TMEM132D: variants seen among roughly 807,000 people sequenced by gnomAD.
TMEM132D encodes mature OL transmembrane protein.
In TMEM132D, 21 loss-of-function variants were observed where a neutral mutation model predicts 62.3. The ratio of observed to expected loss-of-function variants is 0.34; its 90% confidence interval spans 0.24 to 0.49. The LOEUF (loss-of-function observed/expected upper bound fraction) is 0.49, where lower values mean the gene tolerates loss of function less well. Among genes scored for constraint, TMEM132D ranks in the 20% least tolerant of loss-of-function variants. The probability of loss-of-function intolerance (pLI) is 0.99; values close to 1 mark genes in which losing one functional copy is unlikely to be tolerated. For missense variants in TMEM132D, 1,346 were observed against 1,402.8 expected (o/e 0.96, Z 0.65); for synonymous variants, 621 against 575.6 (o/e 1.08, Z -1.13).
At chr12:129,340,787 C>T (rs1869450272) in intron 3 of TMEM132D, among the ~76,000 whole-genome samples, 1 of 152,178 alleles carries the variant, frequency 6.6e-6, no homozygotes, top group Admixed American at 6.5e-5. Flanking sequence ...GACACATGCA[C>T]ACGTATGTTT....
At chr12:129,112,146 C>T (rs1875722652) in intron 5 of TMEM132D, among the ~76,000 whole-genome samples, 1 of 152,164 alleles carries the variant, frequency 6.6e-6, no homozygotes, top group Non-Finnish European at 1.5e-5. Context: ...CGTAAATCAG[C>T]CAGAGTTGCT....
intron 3 of TMEM132D, among the ~76,000 whole-genome samples, chr12:129,376,778 T>C (rs1225874324): frequency 1.3e-5 from 2 of 152,184 alleles, no homozygotes; most frequent in Non-Finnish European, 2.9e-5. Flanking sequence ...TCTTGCTGGG[T>C]GTGCAAACGT....
At chr12:129,707,207 T>C (rs1018903206) in intron 1 of TMEM132D, among the ~76,000 whole-genome samples, 17 of 147,874 alleles carry the variant, frequency 1.1e-4, no homozygotes, top group African/African-American at 3.9e-4. Flanking sequence ...ATATAATATA[T>C]AATAGTATAT....
intron 3 of TMEM132D, among the ~76,000 whole-genome samples, chr12:129,502,444 C>CA (rs11374998): frequency 0.014 from 2,203 of 152,266 alleles, 58 homozygotes; most frequent in African/African-American, 0.05. Context: ...CTGCACATGG[C>CA]AGAAGCCCAG....
chr12:129,356,404 G>A lies in TMEM132D; in HGVS notation c.1116-18587C>T, dbSNP rs1431502285. 1.9e-4 allele frequency among the ~76,000 whole-genome samples: 5 copies of A among 26,034 alleles called. 2 individuals are homozygous for A. Among genetic ancestry groups the A allele is most frequent in the East Asian group, 4.6e-4 (1 of 2,164 alleles). The allele number at this position is 26,034 out of a possible 152,430, so 17.1% of individuals were successfully genotyped here. A position where few individuals can be genotyped will look rare whatever the true frequency, so the allele number is the denominator to read the frequency against. ...GATCTCTTGACCTCGTGATCCGCCC[G>A]CCTCGGCCTCCCAAAGTGCTGGGAT... On this transcript the variant is annotated intron_variant, in intron 3 of 8. Transcript: ENST00000422113.
At chr12:129,786,539 C>T (rs958539720) in intron 1 of TMEM132D, among the ~76,000 whole-genome samples, 1 of 152,202 alleles carries the variant, frequency 6.6e-6, no homozygotes. Flanking sequence ...TCTTCCCACA[C>T]TCCAGGGGCA....
rs149505231 is a variant in TMEM132D at position 129,817,338 on chromosome 12, G to A, written c.79+85923C>T. 4.6e-5 allele frequency among the ~76,000 whole-genome samples: 7 copies of A among 152,316 alleles called. No homozygotes were observed. The East Asian group carries it at 1.4e-3, about 29-fold the overall frequency. On this transcript the variant is annotated intron_variant, in intron 1 of 8. Transcript: ENST00000422113. ...CATTTGACCAGGTCCACAGAGTTCT[G>A]CTAGTCAGCCTTCACCGTGAACACA...
At chr12:129,766,785 G>A (rs889249710) in intron 1 of TMEM132D, among the ~76,000 whole-genome samples, 5 of 152,070 alleles carry the variant, frequency 3.3e-5, no homozygotes, top group Admixed American at 1.3e-4. Flanking sequence ...CCTCTGTGTT[G>A]CCTTTGTGAG....
chr12:129,168,456 C>A (rs1877626012), intron 5 of TMEM132D, among the ~76,000 whole-genome samples: 1 of 152,114 alleles, frequency 6.6e-6, no homozygotes, highest in South Asian at 2.1e-4. Context: ...CCCTGTGGAC[C>A]CCTAATTTAC....
At chr12:129,541,434 A>G (rs6486483) in intron 2 of TMEM132D, among the ~76,000 whole-genome samples, 67,634 of 152,006 alleles carry the variant, frequency 0.44, 15,754 homozygotes, top group Non-Finnish European at 0.51. Context: ...CTCCATGCAG[A>G]CCAGGTTTTC....
Position 129,700,697 on chromosome 12 carries a change from C to A in TMEM132D, c.81G>T (p.Val27=). 1 of 1,604,690 alleles carries A rather than the reference C, an allele frequency of 6.2e-7. No homozygotes were observed. The highest frequency in any genetic ancestry group is 1.1e-5 in the South Asian group (1 of 90,250). The part of the protein sequence containing the change: ...LISLAALFSK[V]TEGRGILESI... ...TCTCAAGGATCCCTCGACCTTCCGT[C>A]ACTGTGGGGAGGGAATCGCAGTGCA... Residue 27 remains valine (V), a splice_region_variant and synonymous_variant, in exon 2 of 9, where the codon GTG becomes GTT. Coordinates refer to ENST00000422113, the MANE Select transcript of TMEM132D (RefSeq NM_133448.3).
At chr12:129,284,422 T>C (rs1002624134) in intron 4 of TMEM132D, among the ~76,000 whole-genome samples, 3 of 152,254 alleles carry the variant, frequency 2.0e-5, no homozygotes, top group African/African-American at 7.2e-5. Context: ...AAATAACTCT[T>C]TAATTTCTAG....
rs1330423175 is a variant in TMEM132D at position 129,371,170 on chromosome 12, T to G, written c.1116-33353A>C. Among the ~76,000 whole-genome samples the G allele has an allele frequency of 6.6e-6, 1 of 152,156 alleles. No individual in the cohort carries two copies. The highest frequency in any genetic ancestry group is 1.5e-5 in the Non-Finnish European group (1 of 68,026). ...AATCAATAAAAAAGTACAAAAGACT[T>G]GCTAAAACAAAGTCACACTGACTAA... On this transcript the variant is annotated intron_variant, in intron 3 of 8. Transcript: ENST00000422113. The surrounding 1 kb of genome is among the most constrained non-coding windows in gnomAD (Gnocchi z 4.3).
intron 4 of TMEM132D, among the ~76,000 whole-genome samples, chr12:129,285,085 C>T (rs779551121): frequency 2.0e-5 from 3 of 152,158 alleles, no homozygotes; most frequent in Non-Finnish European, 4.4e-5. Context: ...ATTATATTTA[C>T]AAAAGCAATG....
rs533588375 is a variant in TMEM132D, at chr12:129,373,387, C to T, written c.1116-35570G>A. Among the ~76,000 whole-genome samples, 380 of 152,118 alleles carry T rather than the reference C, an allele frequency of 2.5e-3. 3 individuals carry two copies. Among genetic ancestry groups the T allele is most frequent in the African/African-American group, 8.7e-3 (363 of 41,496 alleles). ...GTGGCTCACGCCTGTAGTCCCAACA[C>T]TTTGGGAGGACGAGGTGGGTGGATC... On this transcript the variant is annotated intron_variant, in intron 3 of 8. Transcript: ENST00000422113.
intron 2 of TMEM132D, among the ~76,000 whole-genome samples, chr12:129,625,409 T>A (rs141703818): frequency 2.0e-5 from 3 of 152,324 alleles, no homozygotes; most frequent in African/African-American, 4.8e-5. Flanking sequence ...TCTTCCACCT[T>A]TGGCACCTGC....
chr12:129,516,468 GCA>G (rs1875681371), intron 3 of TMEM132D, among the ~76,000 whole-genome samples: 1 of 152,192 alleles, frequency 6.6e-6, no homozygotes, highest in African/African-American at 2.4e-5. Flanking sequence ...AAGGTGAAAG[GCA>G]CATCTTACAT....
At chr12:129,367,018 G>A (rs373644733) in intron 3 of TMEM132D, among the ~76,000 whole-genome samples, 6 of 152,280 alleles carry the variant, frequency 3.9e-5, no homozygotes, top group South Asian at 2.1e-4. Context: ...CTGAGACAAC[G>A]AATGGACTGT....
chr12:129,512,037 G>C (rs1173296893), intron 3 of TMEM132D, among the ~76,000 whole-genome samples: 1 of 152,114 alleles, frequency 6.6e-6, no homozygotes, highest in African/African-American at 2.4e-5. Flanking sequence ...AGGCATTTTT[G>C]TTCTTCTGTT....
Sources: allele counts gnomAD v4.1 joint callset (sites outside exome capture counted in the v4.1 genomes callset), GRCh38; gene constraint gnomAD v4.1.1; non-coding constraint Gnocchi (gnomAD v3.1); transcripts MANE v1.5; gene names NCBI Gene and HGNC (gene_info 2026-07-23, HGNC 2026-07-21).